The following CLYBL variants were observed in gnomAD, a reference collection of about 807,000 sequenced individuals.
CLYBL encodes citramalyl-CoA lyase, mitochondrial.
Under a neutral mutation model 38.9 loss-of-function variants are expected in CLYBL, and 31 were observed. The observed-to-expected ratio is 0.80, with a 90% confidence interval of 0.60 to 1.08. The LOEUF is 1.08. CLYBL is among the 50% of genes least tolerant of loss of function. The pLI, the probability that CLYBL is intolerant of heterozygous loss-of-function variation, is 0.00. For missense variants in CLYBL, 434 were observed against 411.6 expected (o/e 1.05, Z -0.47); for synonymous variants, 171 against 158.6 (o/e 1.08, Z -0.59).
chr13:99,665,668 T>A (rs1269926315), intron 1 of CLYBL, among the ~76,000 whole-genome samples: 2 of 152,118 alleles, frequency 1.3e-5, no homozygotes, highest in African/African-American at 2.4e-5. Flanking sequence ...CTGGAGACAC[T>A]CTGAGAATCG....
chr13:99,856,590 G>A (rs2051464030), intron 2 of CLYBL, among the ~76,000 whole-genome samples: 2 of 152,094 alleles, frequency 1.3e-5, no homozygotes, highest in Non-Finnish European at 2.9e-5. Flanking sequence ...CCACAGCCAT[G>A]GATCTAAATG....
At chr13:99,656,825 A>G (rs184496104) in intron 1 of CLYBL, among the ~76,000 whole-genome samples, 256 of 152,332 alleles carry the variant, frequency 1.7e-3, no homozygotes, top group Non-Finnish European at 1.8e-3. Flanking sequence ...ATTTTCAGCA[A>G]GCTGAGATTC....
chr13:99,672,738 C>G (rs1473122672), intron 1 of CLYBL, among the ~76,000 whole-genome samples: 2 of 152,120 alleles, frequency 1.3e-5, no homozygotes, highest in African/African-American at 4.8e-5. Context: ...CCACCACACT[C>G]CAGCCTGGGC....
At position 99,857,596 on chromosome 13, in the gene CLYBL, G is replaced by C. The variant is rs184985526; in HGVS notation, c.250-1265G>C. ...TCTGACCCGACAACTCTAAGCTACC[G>C]TTTCCTCACATTGTTTAACTCAGAC... On this transcript the variant is annotated intron_variant, in intron 2 of 8. Transcript: ENST00000339105. 3.3e-5 allele frequency among the ~76,000 whole-genome samples: 5 copies of C among 152,242 alleles called. No homozygotes were observed. In the South Asian group the frequency reaches 1.0e-3, roughly 32 times the overall value.
intron 2 of CLYBL, among the ~76,000 whole-genome samples, chr13:99,808,467 G>A (rs1166169396): frequency 3.3e-5 from 5 of 150,068 alleles, no homozygotes; most frequent in Admixed American, 6.7e-5. Context: ...TTTAGTCACC[G>A]GAGATAATAC....
At chr13:99,839,067 A>G (rs928540515) in intron 2 of CLYBL, among the ~76,000 whole-genome samples, 4 of 152,244 alleles carry the variant, frequency 2.6e-5, no homozygotes, top group African/African-American at 7.2e-5. Context: ...TACATTTGTA[A>G]TCAACTAAAC....
chr13:99,820,311 A>G (rs1425280703), intron 2 of CLYBL, among the ~76,000 whole-genome samples: 1 of 152,212 alleles, frequency 6.6e-6, no homozygotes, highest in Non-Finnish European at 1.5e-5. Flanking sequence ...ACTCCCGTGC[A>G]CTCACACTTA....
chr13:99,794,183 G>A (rs2049975619), intron 2 of CLYBL, among the ~76,000 whole-genome samples: 1 of 152,208 alleles, frequency 6.6e-6, no homozygotes, highest in African/African-American at 2.4e-5. Flanking sequence ...CACTTTGGGA[G>A]GCCGAGGCAG....
At chr13:99,880,050 G>GTATATATATATATA (rs4001018) in intron 7 of CLYBL, among the ~76,000 whole-genome samples, 6 of 97,596 alleles carry the variant, frequency 6.1e-5, no homozygotes, top group African/African-American at 7.9e-5. Flanking sequence ...ATGTGTGTAT[G>GTATATATATATATA]TATATATATA....
intron 7 of CLYBL, among the ~76,000 whole-genome samples, chr13:99,887,641 C>T (rs1373591757): frequency 6.6e-6 from 1 of 152,100 alleles, no homozygotes; most frequent in Admixed American, 6.5e-5. Context: ...TGGTCCCAGC[C>T]ACATGGGAGG....
At chr13:99,782,384 G>A (rs1278561206) in intron 2 of CLYBL, among the ~76,000 whole-genome samples, 1 of 152,092 alleles carries the variant, frequency 6.6e-6, no homozygotes, top group Non-Finnish European at 1.5e-5. Context: ...GTGCGCACCT[G>A]TAGTCCCACC....
intron 1 of CLYBL, among the ~76,000 whole-genome samples, chr13:99,702,833 TTCTGGATTTATA>T (rs1281911092): frequency 6.6e-6 from 1 of 152,154 alleles, no homozygotes; most frequent in African/African-American, 2.4e-5. Context: ...CCTTTAGTTC[TTCTGGATTTATA>T]TCTAAGCACG....
At chr13:99,790,263 C>T (rs1434048850) in intron 2 of CLYBL, among the ~76,000 whole-genome samples, 3 of 152,080 alleles carry the variant, frequency 2.0e-5, no homozygotes, top group African/African-American at 7.2e-5. Flanking sequence ...GTTATTTTGC[C>T]TGTTAGTTGA....
At chr13:99,655,842 A>C (rs1352489371) in intron 1 of CLYBL, among the ~76,000 whole-genome samples, 1 of 152,218 alleles carries the variant, frequency 6.6e-6, no homozygotes, top group African/African-American at 2.4e-5. Flanking sequence ...GATATTGATG[A>C]GTGAACCATT....
chr13:99,676,184 C>CTGT (rs2047642763), intron 1 of CLYBL, among the ~76,000 whole-genome samples: 1 of 115,810 alleles, frequency 8.6e-6, no homozygotes. Flanking sequence ...TTCCCTCCGT[C>CTGT]CGTCCTTCCT....
At chr13:99,650,290 C>T (rs1475813255) in intron 1 of CLYBL, among the ~76,000 whole-genome samples, 4 of 151,770 alleles carry the variant, frequency 2.6e-5, no homozygotes, top group East Asian at 2.0e-4. Context: ...GGTATGGTGG[C>T]GCACACCTGT....
chr13:99,706,073 A>G (rs1344438314), intron 1 of CLYBL, among the ~76,000 whole-genome samples: 1 of 152,048 alleles, frequency 6.6e-6, no homozygotes, highest in Admixed American at 6.6e-5. Context: ...CTGGGATTAC[A>G]GGCTCGTGCC....
chr13:99,695,407 G>C (rs72653915), intron 1 of CLYBL, among the ~76,000 whole-genome samples: 1 of 152,070 alleles, frequency 6.6e-6, no homozygotes, highest in Non-Finnish European at 1.5e-5. Flanking sequence ...GGAAAACCGC[G>C]TTTTTATGGA....
intron 1 of CLYBL, among the ~76,000 whole-genome samples, chr13:99,695,692 G>C (rs2047969045): frequency 6.6e-6 from 1 of 152,042 alleles, no homozygotes; most frequent in Admixed American, 6.6e-5. Context: ...GCTAATTTTT[G>C]TATTTTTAGT....
Sources: allele counts gnomAD v4.1 joint callset (sites outside exome capture counted in the v4.1 genomes callset), GRCh38; gene constraint gnomAD v4.1.1; transcripts MANE v1.5; gene names NCBI Gene and HGNC (gene_info 2026-07-23, HGNC 2026-07-21).